Variants in NCBP1 observed in about 807,000 individuals in gnomAD.
NCBP1 encodes the protein nuclear cap binding protein subunit 1.
Under a neutral mutation model 111.7 loss-of-function variants are expected in NCBP1, and 16 were observed. The observed-to-expected ratio is 0.14, with a 90% CI of 0.10 to 0.22. The LOEUF is 0.22. NCBP1 is among the 10% of genes least tolerant of loss of function. The probability of loss-of-function intolerance (pLI) is 1.00; values close to 1 mark genes in which losing one functional copy is unlikely to be tolerated. For synonymous variants in NCBP1, 304 were observed against 314.3 expected (o/e 0.97, Z 0.35); for missense variants, 607 against 957.5 (o/e 0.63, Z 4.83).
chr9:97,651,253 A>G, intron 9 of NCBP1, 57 bp from the exon 10 acceptor site: 1 of 1,451,450 alleles, frequency 6.9e-7, no homozygotes, highest in South Asian at 1.3e-5. Flanking sequence ...GAAACTGCTT[A>G]TTTGACTTTT....
chr9:97,665,399 A>G (rs1827964199), intron 19 of NCBP1, among the ~76,000 whole-genome samples: 1 of 152,210 alleles, frequency 6.6e-6, no homozygotes, highest in South Asian at 2.1e-4. Flanking sequence ...ATTTTACAGA[A>G]TAGGGAAGTG....
At chr9:97,645,545 A>G in intron 5 of NCBP1, 66 bp from the exon 6 acceptor site, 1 of 1,489,164 alleles carries the variant, frequency 6.7e-7, no homozygotes, top group Non-Finnish European at 9.2e-7. Context: ...TCATTCAAGA[A>G]TAAATAAAAT....
intron 4 of NCBP1, among the ~76,000 whole-genome samples, chr9:97,644,379 C>T: frequency 6.6e-6 from 1 of 152,160 alleles, no homozygotes; most frequent in East Asian, 1.9e-4. Context: ...AGACTGCCCT[C>T]CTTGCTCACT....
At chr9:97,636,044 C>T (rs1827016236) in intron 1 of NCBP1, 1 of 152,120 alleles carries the variant, frequency 6.6e-6, no homozygotes, top group South Asian at 2.1e-4. Flanking sequence ...GCGAGAACCT[C>T]AGAGTAAATA....
chr9:97,654,245 G>T (rs1827579942), intron 11 of NCBP1, among the ~76,000 whole-genome samples: 1 of 152,256 alleles, frequency 6.6e-6, no homozygotes, highest in Middle Eastern at 3.4e-3. Context: ...ACTTCTTTCA[G>T]AGTTGGAATT....
chr9:97,649,238 T>C (rs1345427577), intron 8 of NCBP1, among the ~76,000 whole-genome samples: 1 of 152,204 alleles, frequency 6.6e-6, no homozygotes, highest in African/African-American at 2.4e-5. Context: ...TGTACTGTTA[T>C]AATTGTATAT....
chr9:97,647,963 C>A, intron 7 of NCBP1, 45 bp from the exon 8 acceptor site: 2 of 1,456,474 alleles, frequency 1.4e-6, no homozygotes, highest in South Asian at 2.5e-5. Context: ...TTTGTCTAGT[C>A]AAAATGTTAA....
At chr9:97,658,964 C>T (rs1233810243) in intron 15 of NCBP1, among the ~76,000 whole-genome samples, 1 of 152,094 alleles carries the variant, frequency 6.6e-6, no homozygotes. Flanking sequence ...ATCATTTTTT[C>T]TCTTTTGAAT....
intron 16 of NCBP1, among the ~76,000 whole-genome samples, chr9:97,661,331 G>A (rs1827828339): frequency 6.6e-6 from 1 of 152,164 alleles, no homozygotes; most frequent in South Asian, 2.1e-4. Context: ...TTTAACCCCT[G>A]CTTTCACCAT....
chr9:97,656,728 G>T (rs997177584), intron 14 of NCBP1, among the ~76,000 whole-genome samples: 1 of 151,922 alleles, frequency 6.6e-6, no homozygotes, highest in African/African-American at 2.4e-5. Flanking sequence ...GACCCATTAC[G>T]TTGGTTTTCC....
chr9:97,670,145 A>C, intron 22 of NCBP1: 1 of 255,822 alleles, frequency 3.9e-6, no homozygotes, highest in Non-Finnish European at 7.8e-6. Context: ...CTAGTCTCAA[A>C]CTCCTGACCT....
intron 21 of NCBP1, 87 bp from the exon 22 acceptor site, chr9:97,669,506 A>G: frequency 2.4e-6 from 2 of 847,744 alleles, no homozygotes; most frequent in East Asian, 5.2e-5. Flanking sequence ...GGAACAGGCA[A>G]TACTTTGGGG....
intron 6 of NCBP1, among the ~76,000 whole-genome samples, chr9:97,646,693 C>T (rs1485366180): frequency 3.3e-5 from 5 of 151,730 alleles, no homozygotes; most frequent in Admixed American, 2.0e-4. Flanking sequence ...AAAAATTAGC[C>T]GAGCGTGGTG....
chr9:97,660,420 AC>A (rs1227521063), intron 15 of NCBP1, among the ~76,000 whole-genome samples: 4 of 152,220 alleles, frequency 2.6e-5, no homozygotes, highest in Non-Finnish European at 5.9e-5. Context: ...CATCTGACTT[AC>A]GTAGATTCAA....
intron 18 of NCBP1, 74 bp downstream of exon 18, chr9:97,663,121 G>A: frequency 8.6e-7 from 1 of 1,159,772 alleles, no homozygotes; most frequent in East Asian, 2.4e-5. Flanking sequence ...AATTGCCATT[G>A]TTTTGTTTGT....
intron 11 of NCBP1, among the ~76,000 whole-genome samples, chr9:97,654,177 A>G (rs1292320266): frequency 2.0e-5 from 3 of 152,220 alleles, no homozygotes; most frequent in Non-Finnish European, 4.4e-5. Flanking sequence ...CTCTCACAAT[A>G]GATTTCTCTG....
chr9:97,639,264 T>C (rs1264170632), intron 1 of NCBP1, among the ~76,000 whole-genome samples: 1 of 152,190 alleles, frequency 6.6e-6, no homozygotes, highest in Non-Finnish European at 1.5e-5. Flanking sequence ...GTACAGAGTG[T>C]CTTACCCTGT....
intron 3 of NCBP1, among the ~76,000 whole-genome samples, chr9:97,642,436 C>G (rs75454186): frequency 0.035 from 5,255 of 152,118 alleles, 132 homozygotes; most frequent in Non-Finnish European, 0.052. Context: ...TTTAGGAAAA[C>G]AAGTCAAAGA....
chr9:97,655,633 T>C (rs1375084144), intron 12 of NCBP1, 69 bp from the exon 13 acceptor site: 106 of 1,305,264 alleles, frequency 8.1e-5, no homozygotes, highest in Non-Finnish European at 9.6e-5. Flanking sequence ...TGAAGGCTTA[T>C]ATAAGTTTCT....
Sources: allele counts gnomAD v4.1 joint callset (sites outside exome capture counted in the v4.1 genomes callset), GRCh38; gene constraint gnomAD v4.1.1; transcripts MANE v1.5; gene names NCBI Gene and HGNC (gene_info 2026-07-23, HGNC 2026-07-21).